Variants in GOLM1 observed in about 807,000 individuals in gnomAD.
The protein encoded by GOLM1 is golgi membrane protein 1.
In GOLM1, 31 loss-of-function variants were observed where a neutral mutation model predicts 50.5. That is an observed-to-expected ratio of 0.61 (90% CI 0.46 to 0.83). The LOEUF (loss-of-function observed/expected upper bound fraction) is 0.83. Ranked by LOEUF, GOLM1 falls within the 40% of genes least tolerant of loss-of-function variation. GOLM1 has a pLI of 0.00. For missense variants in GOLM1, 491 were observed against 501.3 expected, an observed-to-expected ratio of 0.98 and a Z score of 0.20; for synonymous variants, 178 against 192.8, an observed-to-expected ratio of 0.92 and a Z score of 0.64.
chr9:86,026,889 G>A lies in GOLM1; in HGVS notation c.*928C>T, dbSNP rs1026901052. ...CTAAACAGTCCTAATTTCTAACACT[G>A]TATATATCCTTCGACATCAATGAAC... is the stretch of plus-strand genomic sequence containing the variant. On this transcript the variant is annotated 3_prime_UTR_variant, in exon 10 of 10. Coordinates refer to ENST00000388712, the MANE Select transcript of GOLM1 (RefSeq NM_016548.4). 41 of 983,814 alleles carry A rather than the reference G, an allele frequency of 4.2e-5. No homozygotes were observed. The Admixed American group carries it at 2.5e-3, about 59-fold the overall frequency. The allele number at this position is 983,814 out of a possible 1,614,324, so 60.9% of individuals were successfully genotyped here.
At chr9:86,036,959 T>G (rs1833165917) in intron 6 of GOLM1, 1 of 160,750 alleles carries the variant, frequency 6.2e-6, no homozygotes, top group African/African-American at 2.4e-5. Context: ...CTCCATACAC[T>G]TAAATATTTA....
chr9:86,059,899 CAAAAAAAAA>C (rs139699884), intron 3 of GOLM1, among the ~76,000 whole-genome samples: 8 of 52,450 alleles, frequency 1.5e-4, no homozygotes, highest in Non-Finnish European at 3.0e-4. Context: ...GAGTCTATCT[CAAAAAAAAA>C]AAAAAAAAAA....
At chr9:86,050,233 A>G (rs571314048) in intron 4 of GOLM1, among the ~76,000 whole-genome samples, 1 of 152,266 alleles carries the variant, frequency 6.6e-6, no homozygotes, top group East Asian at 1.9e-4. Flanking sequence ...ATTGTGTTGG[A>G]TAAGCTTTTT....
intron 4 of GOLM1, among the ~76,000 whole-genome samples, chr9:86,050,323 T>C (rs1423240829): frequency 6.6e-6 from 1 of 152,188 alleles, no homozygotes. Context: ...AGGTCTAAAA[T>C]TCTCTTTTTT....
intron 3 of GOLM1, among the ~76,000 whole-genome samples, chr9:86,058,627 C>T (rs12340732): frequency 0.33 from 48,575 of 147,172 alleles, 9,661 homozygotes; most frequent in African/African-American, 0.55. Context: ...ACATAGGAGG[C>T]GGAGGTTGCA....
At chr9:86,094,553 C>T (rs997616815) in intron 1 of GOLM1, among the ~76,000 whole-genome samples, 25 of 152,138 alleles carry the variant, frequency 1.6e-4, no homozygotes, top group African/African-American at 5.3e-4. Context: ...CACCAAAAAG[C>T]GAGGTGGATG....
chr9:86,081,755 G>A (rs1384183491), intron 1 of GOLM1, among the ~76,000 whole-genome samples: 1 of 151,590 alleles, frequency 6.6e-6, no homozygotes. Flanking sequence ...CAGGCATGGT[G>A]GCACATGCCT....
chr9:86,046,175 G>A (rs757012686), intron 5 of GOLM1, among the ~76,000 whole-genome samples: 7 of 152,174 alleles, frequency 4.6e-5, no homozygotes, highest in African/African-American at 9.7e-5. Flanking sequence ...GCTCACGCAT[G>A]AGCACCTATG....
intron 5 of GOLM1, among the ~76,000 whole-genome samples, chr9:86,041,594 A>T (rs1401839226): frequency 6.6e-6 from 1 of 152,168 alleles, no homozygotes; most frequent in Non-Finnish European, 1.5e-5. Context: ...GGACTCTACC[A>T]CTGGGCTGTT....
chr9:86,048,071 T>G lies in GOLM1; in HGVS notation c.365-1499A>C, dbSNP rs564364302. Reference sequence around the variant, plus strand: ...CACGCCCCAGATGTTCCTTGCCCTGTGTCCATGTGTTCTCATTGTTCAATT... The same window carrying G: ...CACGCCCCAGATGTTCCTTGCCCTGGGTCCATGTGTTCTCATTGTTCAATT... On this transcript the variant is annotated intron_variant, in intron 4 of 9. Coordinates refer to ENST00000388712, the MANE Select transcript of GOLM1 (RefSeq NM_016548.4). Among the ~76,000 whole-genome samples, 7 of 129,756 alleles carry G rather than the reference T, an allele frequency of 5.4e-5. 1 individual carries two copies. In the East Asian group the frequency reaches 1.6e-3, roughly 29 times the overall value. 85.1% of individuals were successfully genotyped at this position (129,756 alleles called of 152,430 possible).
intron 3 of GOLM1, among the ~76,000 whole-genome samples, chr9:86,076,408 G>C (rs1834612315): frequency 1.2e-5 from 1 of 82,888 alleles, no homozygotes. Context: ...ACAACAAGAG[G>C]GAAACCCCAT....
intron 1 of GOLM1, among the ~76,000 whole-genome samples, 156 bp downstream of exon 1, chr9:86,099,255 C>A (rs1002097585): frequency 2.0e-5 from 3 of 151,844 alleles, no homozygotes; most frequent in Admixed American, 6.5e-5. Flanking sequence ...CAGCCCCGAG[C>A]GCAGCCAGCG....
rs548912985 is a variant in GOLM1, at chr9:86,069,720, A to G, written c.309+7692T>C. On this transcript the variant is annotated intron_variant, in intron 3 of 9. Coordinates refer to ENST00000388712, the MANE Select transcript of GOLM1 (RefSeq NM_016548.4). Reference sequence around the variant, plus strand: ...CATGGGCAGAGGGTTAGCTGAGGCCAGCAATGACACCTGCCATTTTACATC... The same window carrying G: ...CATGGGCAGAGGGTTAGCTGAGGCCGGCAATGACACCTGCCATTTTACATC... 3.9e-5 allele frequency among the ~76,000 whole-genome samples: 6 copies of G among 152,318 alleles called. No individual in the cohort carries two copies. The South Asian group carries it at 1.2e-3, about 32-fold the overall frequency.
chr9:86,069,274 A>G (rs1834386356), intron 3 of GOLM1, among the ~76,000 whole-genome samples: 1 of 152,198 alleles, frequency 6.6e-6, no homozygotes, highest in Admixed American at 6.5e-5. Flanking sequence ...ACTTTTTTGG[A>G]AAGTTACTTA....
intron 3 of GOLM1, among the ~76,000 whole-genome samples, chr9:86,075,638 T>TA (rs1390983376): frequency 4.6e-5 from 7 of 152,188 alleles, no homozygotes; most frequent in Non-Finnish European, 8.8e-5. Context: ...AAACCACAGC[T>TA]AAAATCCTCC....
chr9:86,076,238 G>A (rs769055590), intron 3 of GOLM1, among the ~76,000 whole-genome samples: 2 of 151,718 alleles, frequency 1.3e-5, no homozygotes, highest in Non-Finnish European at 2.9e-5. Context: ...GACCAACATG[G>A]CGAAATCCCA....
At chr9:86,086,546 G>A (rs552903245) in intron 1 of GOLM1, among the ~76,000 whole-genome samples, 7 of 152,018 alleles carry the variant, frequency 4.6e-5, no homozygotes, top group East Asian at 1.9e-4. Context: ...CCATGCCCAC[G>A]TACTGCCTAG....
intron 1 of GOLM1, among the ~76,000 whole-genome samples, chr9:86,083,979 G>C (rs1928230): frequency 6.6e-6 from 1 of 152,134 alleles, no homozygotes; most frequent in Non-Finnish European, 1.5e-5. Context: ...TTGAGCATGC[G>C]GTGCTGTCCT....
At chr9:86,078,832 C>T (rs533255585) in intron 2 of GOLM1, among the ~76,000 whole-genome samples, 4 of 152,326 alleles carry the variant, frequency 2.6e-5, no homozygotes, top group East Asian at 3.9e-4. Flanking sequence ...TACTACTCTT[C>T]GATATCTTGG....
Sources: gnomAD v4.1 joint callset for allele counts (sites outside exome capture counted in the v4.1 genomes callset) on GRCh38, gnomAD v4.1.1 for gene constraint, MANE v1.5 for transcripts, NCBI Gene and HGNC (gene_info 2026-07-23, HGNC 2026-07-21) for gene names.